The following GRB2 variants were observed in gnomAD, a reference collection of about 807,000 sequenced individuals.
GRB2 encodes growth factor receptor bound protein 2.
GRB2 carries 2 observed loss-of-function variants against 27.4 expected under a neutral mutation model. The ratio of observed to expected loss-of-function variants is 0.07; its 90% CI spans 0.03 to 0.23. The LOEUF (loss-of-function observed/expected upper bound fraction) is 0.23, where lower values mean the gene tolerates loss of function less well. Ranked by LOEUF, GRB2 falls within the 10% of genes least tolerant of loss-of-function variation. GRB2 has a pLI of 1.00. For missense variants in GRB2, 102 were observed against 282.4 expected, an observed-to-expected ratio of 0.36 and a Z score of 4.58; for synonymous variants, 94 against 99.6, an observed-to-expected ratio of 0.94 and a Z score of 0.33.
At chr17:75,342,430 C>T (rs1173746761) in intron 2 of GRB2, among the ~76,000 whole-genome samples, 2 of 152,118 alleles carry the variant, frequency 1.3e-5, no homozygotes, top group Non-Finnish European at 2.9e-5. Flanking sequence ...TACATTCTCT[C>T]TCTTCTTTTT....
intron 2 of GRB2, among the ~76,000 whole-genome samples, chr17:75,350,155 C>T (rs2078680858): frequency 6.8e-6 from 1 of 147,858 alleles, no homozygotes; most frequent in African/African-American, 2.5e-5. Flanking sequence ...CAGTTTAAGG[C>T]TATAGTGTGC....
At chr17:75,377,060 T>C (rs1048210737) in intron 2 of GRB2, among the ~76,000 whole-genome samples, 12 of 151,502 alleles carry the variant, frequency 7.9e-5, no homozygotes, top group Non-Finnish European at 1.5e-5. Flanking sequence ...CTCACATCTA[T>C]AATCCGAGCT....
chr17:75,377,189 T>C (rs2078899513), intron 2 of GRB2, among the ~76,000 whole-genome samples: 1 of 151,672 alleles, frequency 6.6e-6, no homozygotes, highest in African/African-American at 2.4e-5. Flanking sequence ...GGTGTGGTGG[T>C]GCGCATCTGT....
intron 2 of GRB2, among the ~76,000 whole-genome samples, chr17:75,381,131 C>T (rs1478046343): frequency 6.6e-6 from 1 of 152,144 alleles, no homozygotes; most frequent in Admixed American, 6.5e-5. Flanking sequence ...AAGTCAATTA[C>T]AGAACATTAA....
intron 2 of GRB2, among the ~76,000 whole-genome samples, chr17:75,354,270 G>GGGTT (rs59441913): frequency 2.5e-5 from 3 of 121,024 alleles, no homozygotes; most frequent in Non-Finnish European, 3.4e-5. Context: ...TTTTTGGGGG[G>GGGTT]GGGGGGGAGA....
In GRB2 at chr17:75,319,838, G is replaced by T; in HGVS notation, c.*530C>A. The stretch of plus-strand genomic sequence containing the variant: ...ACAAAATACACTGGGGGTCTGGGCT[G>T]GAAGGCAGATTCCTACAAGTCCCCT... On this transcript the variant is annotated 3_prime_UTR_variant, in exon 6 of 6. Transcript: ENST00000316804. 1 of 153,290 alleles carries T rather than the reference G, an allele frequency of 6.5e-6. No homozygotes were observed. Among genetic ancestry groups the T allele is most frequent in the Non-Finnish European group, 1.5e-5 (1 of 68,750 alleles). The allele number at this position is 153,290 out of a possible 1,614,324, so 9.5% of individuals were successfully genotyped here. A position where few individuals can be genotyped will look rare whatever the true frequency, so the allele number is the denominator to read the frequency against.
intron 2 of GRB2, among the ~76,000 whole-genome samples, chr17:75,347,297 T>C (rs977539524): frequency 2.0e-5 from 3 of 152,160 alleles, no homozygotes; most frequent in Non-Finnish European, 2.9e-5. Flanking sequence ...GTCAAATCCA[T>C]GGACCGGACT....
chr17:75,366,667 G>A (rs1031084208), intron 2 of GRB2, among the ~76,000 whole-genome samples: 4 of 151,938 alleles, frequency 2.6e-5, no homozygotes, highest in Admixed American at 1.3e-4. Context: ...AAAATTAGCC[G>A]GGTGTGGTAG....
At chr17:75,321,355 T>C (rs2078458383) in intron 5 of GRB2, among the ~76,000 whole-genome samples, 1 of 151,868 alleles carries the variant, frequency 6.6e-6, no homozygotes, top group Non-Finnish European at 1.5e-5. Context: ...TTTTGTATTT[T>C]TAGTAGCGAC....
At position 75,367,890 on chromosome 17, in the gene GRB2, G is replaced by GTT. The variant is rs200988188; in HGVS notation, c.78+25659_78+25660dup. Among the ~76,000 whole-genome samples the GTT allele has an allele frequency of 8.1e-5, 12 of 149,054 alleles. No individual in the cohort carries two copies. In the East Asian group the frequency reaches 1.6e-3, roughly 19 times the overall value. ...TCTTTAGATTTTTTTCGTTGTTTTG[G>GTT]TTTTTTTTTTGAGATGGAGTCTCAC... is the stretch of plus-strand genomic sequence containing the variant. On this transcript the variant is annotated intron_variant, in intron 2 of 5. Coordinates refer to ENST00000316804, the MANE Select transcript of GRB2 (RefSeq NM_002086.5).
intron 2 of GRB2, among the ~76,000 whole-genome samples, chr17:75,342,159 G>A (rs1182849383): frequency 6.6e-6 from 1 of 152,058 alleles, no homozygotes; most frequent in Non-Finnish European, 1.5e-5. Context: ...TTTAATGGAG[G>A]ATTACTGTCA....
rs1331895960 is a variant in GRB2 at position 75,318,576 on chromosome 17, G to A, written c.*1792C>T. ...ACATCACCACAGGGGACCAGAAGTG[G>A]AGAGAAGACAGAGAGTTCTGCCGAG... On this transcript the variant is annotated 3_prime_UTR_variant, in exon 6 of 6. Coordinates refer to ENST00000316804, the MANE Select transcript of GRB2 (RefSeq NM_002086.5). 1 of 152,232 alleles carries A rather than the reference G, an allele frequency of 6.6e-6. No homozygotes were observed. The highest frequency in any genetic ancestry group is 1.5e-5 in the Non-Finnish European group (1 of 68,088). The allele number at this position is 152,232 out of a possible 1,614,324, so 9.4% of individuals were successfully genotyped here.
At chr17:75,346,162 A>ATTTT (rs67737628) in intron 2 of GRB2, among the ~76,000 whole-genome samples, 22 of 134,230 alleles carry the variant, frequency 1.6e-4, no homozygotes, top group Admixed American at 3.8e-4. Flanking sequence ...TCGGCCACTG[A>ATTTT]TTTTTTTTTT....
chr17:75,372,221 T>C (rs993316614), intron 2 of GRB2: 3 of 152,206 alleles, frequency 2.0e-5, no homozygotes, highest in Admixed American at 6.5e-5. Flanking sequence ...AGAACTCTTA[T>C]TTCCACTAGT....
At chr17:75,388,610 T>TC (rs916664463) in intron 2 of GRB2, among the ~76,000 whole-genome samples, 29 of 151,866 alleles carry the variant, frequency 1.9e-4, no homozygotes, top group African/African-American at 6.8e-4. Context: ...AACACTTTTT[T>TC]TTTTTTTTAA....
intron 2 of GRB2, among the ~76,000 whole-genome samples, chr17:75,374,833 T>C (rs1008638754): frequency 1.3e-5 from 2 of 152,130 alleles, no homozygotes; most frequent in Non-Finnish European, 2.9e-5. Flanking sequence ...CATGACATTC[T>C]CATATAACTC....
At chr17:75,336,728 T>C (rs556649079) in intron 2 of GRB2, among the ~76,000 whole-genome samples, 2 of 152,348 alleles carry the variant, frequency 1.3e-5, no homozygotes, top group African/African-American at 4.8e-5. Flanking sequence ...TTAATGCTTT[T>C]AAAAATGTAA....
intron 2 of GRB2, among the ~76,000 whole-genome samples, chr17:75,362,554 TTAA>T (rs1348359769): frequency 6.6e-6 from 1 of 152,240 alleles, no homozygotes; most frequent in Non-Finnish European, 1.5e-5. Context: ...ATACAAGGGC[TTAA>T]TAATTTTCAC....
At chr17:75,357,852 C>T (rs2078743666) in intron 2 of GRB2, among the ~76,000 whole-genome samples, 1 of 152,018 alleles carries the variant, frequency 6.6e-6, no homozygotes, top group Non-Finnish European at 1.5e-5. Flanking sequence ...ATCTGGGCAG[C>T]AGAGGTTGTA....
Sources: gnomAD v4.1 joint callset for allele counts (sites outside exome capture counted in the v4.1 genomes callset) on GRCh38, gnomAD v4.1.1 for gene constraint, MANE v1.5 for transcripts, NCBI Gene and HGNC (gene_info 2026-07-23, HGNC 2026-07-21) for gene names.